FRMD1: variants seen among roughly 807,000 people sequenced by gnomAD.
The protein encoded by FRMD1 is FERM domain-containing protein 1.
Under a neutral mutation model 54.9 loss-of-function variants are expected in FRMD1, and 51 were observed. The ratio of observed to expected loss-of-function variants is 0.93; its 90% confidence interval spans 0.74 to 1.17. The LOEUF (loss-of-function observed/expected upper bound fraction) is 1.17, where lower values mean the gene tolerates loss of function less well. Ranked by LOEUF, FRMD1 falls within the 50% of genes most tolerant of loss-of-function variation. The pLI is 0.00. For synonymous variants in FRMD1, 324 were observed against 306.4 expected (o/e 1.06, Z -0.60); for missense variants, 729 against 743.0 (o/e 0.98, Z 0.22).
At chr6:168,089,722 C>T (rs774967535) in intron 1 of FRMD1, among the ~76,000 whole-genome samples, 6 of 152,308 alleles carry the variant, frequency 3.9e-5, no homozygotes, top group South Asian at 4.1e-4. Context: ...AGCGGAAAAT[C>T]GAAGGCGGAC....
rs1799438366 is a variant in FRMD1 at position 168,057,042 on chromosome 6, G to A, written c.*55C>T. On this transcript the variant is annotated 3_prime_UTR_variant, in exon 11 of 11. Transcript: ENST00000283309. ...AAGGGACGAGGGCCATGTGGAAGTGGGGTGGGCAGGGGCTGAGCCTGGCGG... is the reference window on the plus strand; with the variant it reads ...AAGGGACGAGGGCCATGTGGAAGTGAGGTGGGCAGGGGCTGAGCCTGGCGG... 3 of 1,431,008 alleles carry A rather than the reference G, an allele frequency of 2.1e-6. No homozygotes were observed. Among genetic ancestry groups the A allele is most frequent in the African/African-American group, 1.5e-5 (1 of 68,552 alleles). The allele number at this position is 1,431,008 out of a possible 1,614,324, so 88.6% of individuals were successfully genotyped here.
chr6:168,065,032 AG>A lies in FRMD1; in HGVS notation c.486del (p.Tyr163ThrfsTer4), dbSNP rs750437651. ...AGCACGCGCTCCTTCAAGTGGCAGT[AG>A]TACAGGTGCCGTGCCCTGTGGTCGC... ...VISDHRARHL[Y>X]YCHLKERVLR... On this transcript the variant is annotated frameshift_variant, in exon 5 of 11. Coordinates refer to ENST00000283309, the MANE Select transcript of FRMD1 (RefSeq NM_024919.6). LOFTEE classifies it high-confidence loss of function. The A allele has an allele frequency of 1.2e-6, 2 of 1,610,126 alleles. No homozygotes were observed. Among genetic ancestry groups the A allele is most frequent in the Admixed American group, 1.7e-5 (1 of 59,962 alleles).
rs1799340441 is a variant in FRMD1 at position 168,054,310 on chromosome 6, C to T, written c.*2787G>A. 2.0e-5 allele frequency: 3 copies of T among 152,290 alleles called. No homozygotes were observed. Among genetic ancestry groups the T allele is most frequent in the East Asian group, 3.9e-4 (2 of 5,172 alleles). The allele number at this position is 152,290 out of a possible 1,614,324, so 9.4% of individuals were successfully genotyped here. The stretch of plus-strand genomic sequence containing the variant: ...GCGAGTCTGGACCTGCCAGCTTGAC[C>T]GCTGACCTGGCCCGGGCCACAGGAC... On this transcript the variant is annotated 3_prime_UTR_variant, in exon 11 of 11. Transcript: ENST00000283309.
chr6:168,084,013 C>T (rs769835890), upstream of FRMD1, among the ~76,000 whole-genome samples: 2 of 152,192 alleles, frequency 1.3e-5, no homozygotes, highest in Non-Finnish European at 2.9e-5. Flanking sequence ...ACAGAGGGTA[C>T]CCCGAGTCCT....
chr6:168,080,106 CG>C (rs890818680), upstream of FRMD1, among the ~76,000 whole-genome samples: 19 of 152,238 alleles, frequency 1.2e-4, no homozygotes, highest in Middle Eastern at 6.8e-3. Context: ...GACCTCCGGA[CG>C]GGCCGTTGTT....
upstream of FRMD1, among the ~76,000 whole-genome samples, chr6:168,085,374 C>G (rs1320331610): frequency 6.6e-6 from 1 of 152,220 alleles, no homozygotes; most frequent in Non-Finnish European, 1.5e-5. Context: ...GTGAGGCCGC[C>G]TGGAGGGAGG....
intron 2 of FRMD1, among the ~76,000 whole-genome samples, chr6:168,072,426 TCAA>T (rs922611510): frequency 6.6e-6 from 1 of 152,226 alleles, no homozygotes; most frequent in Non-Finnish European, 1.5e-5. Flanking sequence ...AGAGGCCCTC[TCAA>T]CCACAGCGAC....
chr6:168,070,220 GAA>G (rs1420851965), intron 2 of FRMD1, among the ~76,000 whole-genome samples: 2 of 144,184 alleles, frequency 1.4e-5, no homozygotes, highest in Admixed American at 7.1e-5. Flanking sequence ...AAGAAAGAAG[GAA>G]GGAAGGAAAG....
rs1284499707 is a variant in FRMD1 at position 168,063,732 on chromosome 6, A to C, written c.673T>G (p.Tyr225Asp). 1.2e-6 allele frequency: 2 copies of C among 1,613,058 alleles called. No homozygotes were observed. Among genetic ancestry groups the C allele is most frequent in the Non-Finnish European group, 1.7e-6 (2 of 1,179,464 alleles). Residue 225 changes from tyrosine (Y) to aspartate (D), a missense_variant, in exon 6 of 11, where the codon TAC becomes GAC. Transcript: ENST00000283309. ...AGGGTAGGCATGTGCCGGAGGATGT[A>C]GTCAATCCCCCTCTTGGTGATGATC... ...QWIITKRGID[Y>D]ILRHMPTLHR...
At chr6:168,082,352 C>A (rs902315670), upstream of FRMD1, among the ~76,000 whole-genome samples, 1 of 152,202 alleles carries the variant, frequency 6.6e-6, no homozygotes, top group African/African-American at 2.4e-5. Flanking sequence ...CAGCCTCCAC[C>A]CCCACCATCG....
At chr6:168,075,204 C>A (rs191551004) in intron 2 of FRMD1, 41 bp downstream of exon 2, 1 of 1,570,426 alleles carries the variant, frequency 6.4e-7, no homozygotes, top group East Asian at 2.2e-5. Flanking sequence ...GCAGATGCGG[C>A]CCCTGGGCAT....
rs749011762 is a variant in FRMD1, at chr6:168,063,688, G to A, written c.717C>T (p.Gly239=). 25 of 1,613,780 alleles carry A rather than the reference G, an allele frequency of 1.5e-5. No homozygotes were observed. The highest frequency in any genetic ancestry group is 1.9e-5 in the Non-Finnish European group (23 of 1,179,908). Residue 239 remains glycine, a synonymous_variant, in exon 6 of 11, where the codon GGC becomes GGT. Coordinates refer to ENST00000283309, the MANE Select transcript of FRMD1 (RefSeq NM_024919.6). ...ACAGCATGGCCTCCTTGGGGCTCAGGCCCTGGCGCTCACGGTGCAGGGTAG... is the reference window on the plus strand; with the variant it reads ...ACAGCATGGCCTCCTTGGGGCTCAGACCCTGGCGCTCACGGTGCAGGGTAG... ...HMPTLHRERQ[G]LSPKEAMLCF...
At chr6:168,068,147 T>C (rs1212134772) in intron 2 of FRMD1, among the ~76,000 whole-genome samples, 1 of 152,084 alleles carries the variant, frequency 6.6e-6, no homozygotes, top group African/African-American at 2.4e-5. Context: ...AAAATAGAGA[T>C]GTCTATAATC....
upstream of FRMD1, chr6:168,081,739 T>C (rs559599431): frequency 2.3e-5 from 10 of 443,394 alleles, no homozygotes; most frequent in African/African-American, 3.9e-5. Context: ...CGGGCTCCAT[T>C]CCGAGACATC....
chr6:168,086,543 C>T (rs532753422), upstream of FRMD1, among the ~76,000 whole-genome samples: 11 of 76,182 alleles, frequency 1.4e-4, no homozygotes, highest in African/African-American at 3.6e-4. Context: ...TGGACACCCA[C>T]ATCTTCAGTG....
At chr6:168,080,866 C>A (rs527374554), upstream of FRMD1, among the ~76,000 whole-genome samples, 1 of 150,176 alleles carries the variant, frequency 6.7e-6, no homozygotes, top group Non-Finnish European at 1.5e-5. Context: ...CTGGTGTGTG[C>A]GGGTGCTGGT....
upstream of FRMD1, among the ~76,000 whole-genome samples, chr6:168,085,732 T>C (rs1296842532): frequency 2.7e-5 from 4 of 148,070 alleles, no homozygotes; most frequent in African/African-American, 1.0e-4. Flanking sequence ...CATGGCTCCC[T>C]ATCGCCCAGC....
chr6:168,089,291 C>G (rs1375690630), intron 1 of FRMD1, among the ~76,000 whole-genome samples: 2 of 152,204 alleles, frequency 1.3e-5, no homozygotes, highest in East Asian at 3.9e-4. Context: ...GTGTCACAGC[C>G]CCTGGGGCAC....
intron 4 of FRMD1, 167 bp from the exon 5 acceptor site, chr6:168,065,224 G>T (rs370859719): frequency 7.1e-7 from 1 of 1,410,904 alleles, no homozygotes; most frequent in Non-Finnish European, 9.2e-7. Flanking sequence ...GGGCCAGCAC[G>T]GCACAGGCCC....
Sources: allele counts gnomAD v4.1 joint callset (sites outside exome capture counted in the v4.1 genomes callset), GRCh38; gene constraint gnomAD v4.1.1; transcripts MANE v1.5; gene names NCBI Gene and HGNC (gene_info 2026-07-23, HGNC 2026-07-21).